The following FAR2 variants were observed in gnomAD, a reference collection of about 807,000 sequenced individuals.
The protein encoded by FAR2 is fatty acyl-CoA reductase 2.
In FAR2, 19 loss-of-function variants were observed where a neutral mutation model predicts 56.0. The ratio of observed to expected loss-of-function variants is 0.34; its 90% CI spans 0.24 to 0.50. The LOEUF is 0.50. Among genes scored for constraint, FAR2 ranks in the 20% least tolerant of loss-of-function variants. The pLI is 0.98. For missense variants in FAR2, 508 were observed against 642.2 expected (o/e 0.79, Z 2.26); for synonymous variants, 219 against 218.8 (o/e 1.00, Z -0.01).
rs1949661107 is a variant in FAR2 at position 29,149,288 on chromosome 12, G to A, written c.-158G>A. The stretch of plus-strand genomic sequence containing the variant: ...CCGAGCCGGATATATAGAGTGTCAC[G>A]TTTGGGAGCCGAAAGACTGGAGCCG... On this transcript the variant is annotated 5_prime_UTR_variant, in exon 1 of 12. Coordinates refer to ENST00000536681, the MANE Select transcript of FAR2 (RefSeq NM_001271783.2). 6.6e-6 allele frequency: 1 copy of A among 152,386 alleles called. No individual in the cohort carries two copies. Among genetic ancestry groups the A allele is most frequent in the African/African-American group, 2.4e-5 (1 of 41,476 alleles). 9.4% of individuals were successfully genotyped at this position (152,386 alleles called of 1,614,324 possible).
chr12:29,192,554 C>G (rs1369779232), intron 1 of FAR2, among the ~76,000 whole-genome samples: 1 of 152,160 alleles, frequency 6.6e-6, no homozygotes, highest in Non-Finnish European at 1.5e-5. Context: ...CTGGTGAAAT[C>G]AGTATTTGAA....
At chr12:29,332,458 CAAAT>C in intron 10 of FAR2, 138 bp from the exon 11 acceptor site, 1 of 1,135,654 alleles carries the variant, frequency 8.8e-7, no homozygotes. Context: ...AATAATGACT[CAAAT>C]AATCTCTCCT....
At chr12:29,304,253 A>G (rs1266256410) in intron 4 of FAR2, among the ~76,000 whole-genome samples, 1 of 152,116 alleles carries the variant, frequency 6.6e-6, no homozygotes, top group African/African-American at 2.4e-5. Flanking sequence ...AACCTTACAT[A>G]GTATAGAAAT....
At chr12:29,287,304 G>A (rs1312257994) in intron 2 of FAR2, among the ~76,000 whole-genome samples, 4 of 152,108 alleles carry the variant, frequency 2.6e-5, no homozygotes, top group African/African-American at 9.7e-5. Context: ...TTATAGAAAC[G>A]GTCTTCGCTA....
At chr12:29,251,944 T>G (rs1029874233) in intron 1 of FAR2, among the ~76,000 whole-genome samples, 2 of 152,204 alleles carry the variant, frequency 1.3e-5, no homozygotes, top group Non-Finnish European at 2.9e-5. Context: ...GAAAATTTTT[T>G]CCTGTCCCTA....
chr12:29,266,078 A>T (rs1948511203), intron 1 of FAR2, among the ~76,000 whole-genome samples: 1 of 152,200 alleles, frequency 6.6e-6, no homozygotes, highest in Admixed American at 6.5e-5. Flanking sequence ...CATGTACATT[A>T]GTACAATCAC....
intron 8 of FAR2, 113 bp downstream of exon 8, chr12:29,312,063 G>T: frequency 1.5e-6 from 1 of 668,076 alleles, no homozygotes; most frequent in Non-Finnish European, 2.5e-6. Flanking sequence ...CAAAAAGTAA[G>T]TAAAGAGACA....
chr12:29,256,344 T>G lies in FAR2; in HGVS notation c.-38-14068T>G, dbSNP rs141911197. ...CTGAGATTACAGGCATGTGCTACCATGCCCTACTAAGCTTTTCATTTTTAG... is the reference window on the plus strand; with the variant it reads ...CTGAGATTACAGGCATGTGCTACCAGGCCCTACTAAGCTTTTCATTTTTAG... On this transcript the variant is annotated intron_variant, in intron 1 of 11. Transcript: ENST00000536681. Among the ~76,000 whole-genome samples the G allele has an allele frequency of 4.5e-3, 687 of 152,232 alleles. 1 individual carries two copies. Among genetic ancestry groups the G allele is most frequent in the Admixed American group, 0.016 (252 of 15,298 alleles).
chr12:29,295,439 G>C (rs1437147560), intron 3 of FAR2, among the ~76,000 whole-genome samples: 1 of 152,084 alleles, frequency 6.6e-6, no homozygotes, highest in Non-Finnish European at 1.5e-5. Context: ...TTAAATTTAA[G>C]ATAATTTTGC....
chr12:29,325,283 T>A, intron 10 of FAR2, among the ~76,000 whole-genome samples: 1 of 152,104 alleles, frequency 6.6e-6, no homozygotes, highest in Admixed American at 6.6e-5. Flanking sequence ...AGACTTAGAC[T>A]CCCATACAAT....
In FAR2 at chr12:29,277,854, T is replaced by C. The variant is rs538632667; in HGVS notation, c.189+7216T>C. 4 of 152,230 alleles carry C rather than the reference T, an allele frequency of 2.6e-5. No individual in the cohort carries two copies. The South Asian group carries it at 8.3e-4, about 32-fold the overall frequency. 9.4% of individuals were successfully genotyped at this position (152,230 alleles called of 1,614,324 possible). A position where few individuals can be genotyped will look rare whatever the true frequency, so the allele number is the denominator to read the frequency against. ...GAGAAATAGACATTTAAGAAGAAAT[T>C]TCCATCTCATCGAATGAGCATTTTG... On this transcript the variant is annotated intron_variant, in intron 2 of 11. Coordinates refer to ENST00000536681, the MANE Select transcript of FAR2 (RefSeq NM_001271783.2).
rs919493756 is a variant in FAR2, at chr12:29,166,044, A to G, written c.-39+16637A>G. Among the ~76,000 whole-genome samples the G allele has an allele frequency of 3.9e-5, 6 of 152,358 alleles. No individual in the cohort carries two copies. In the East Asian group the frequency reaches 9.6e-4, roughly 24 times the overall value. On this transcript the variant is annotated intron_variant, in intron 1 of 11. Transcript: ENST00000536681. ...TAACAGCGGCCTTAGCCAAATCACT[A>G]CTTGTCTCTGATCCTCAGTTTCCTC...
chr12:29,244,810 A>C (rs1180002377), intron 1 of FAR2, among the ~76,000 whole-genome samples: 4 of 152,228 alleles, frequency 2.6e-5, no homozygotes, highest in Non-Finnish European at 5.9e-5. Flanking sequence ...CAATGACTAA[A>C]GTCTCTACCC....
At chr12:29,220,699 A>AT (rs1483593396) in intron 1 of FAR2, among the ~76,000 whole-genome samples, 1 of 152,146 alleles carries the variant, frequency 6.6e-6, no homozygotes, top group Non-Finnish European at 1.5e-5. Flanking sequence ...TGGGATATCC[A>AT]TACGATTCTG....
chr12:29,334,803 T>C lies in FAR2; in HGVS notation c.*1009T>C, dbSNP rs1329784993. 1 of 152,188 alleles carries C rather than the reference T, an allele frequency of 6.6e-6. No homozygotes were observed. The highest frequency in any genetic ancestry group is 1.5e-5 in the Non-Finnish European group (1 of 68,012). The allele number at this position is 152,188 out of a possible 1,614,324, so 9.4% of individuals were successfully genotyped here. A position where few individuals can be genotyped will look rare whatever the true frequency, so the allele number is the denominator to read the frequency against. ...TTTACTAGTATCTTGGTCATTCCAA[T>C]TGCACAATGTTAACTGTACAACACA... On this transcript the variant is annotated 3_prime_UTR_variant, in exon 12 of 12. Transcript: ENST00000536681.
At chr12:29,300,458 TA>T (rs1014695786) in intron 4 of FAR2, among the ~76,000 whole-genome samples, 3 of 152,258 alleles carry the variant, frequency 2.0e-5, no homozygotes, top group African/African-American at 7.2e-5. Context: ...TCAATTCACC[TA>T]AATCCAGGTT....
chr12:29,330,113 G>A (rs1480950664), intron 10 of FAR2, among the ~76,000 whole-genome samples: 1 of 146,734 alleles, frequency 6.8e-6, no homozygotes, highest in Admixed American at 6.9e-5. Flanking sequence ...CTGGAGTGCA[G>A]TGGCAAGATC....
intron 1 of FAR2, among the ~76,000 whole-genome samples, chr12:29,213,744 T>G (rs1947586918): frequency 1.3e-5 from 2 of 152,200 alleles, no homozygotes; most frequent in Non-Finnish European, 2.9e-5. Context: ...AACTTATTCT[T>G]CTTGCCCTAT....
At chr12:29,331,224 T>A (rs1051310178) in intron 10 of FAR2, among the ~76,000 whole-genome samples, 1 of 149,594 alleles carries the variant, frequency 6.7e-6, no homozygotes, top group African/African-American at 2.5e-5. Flanking sequence ...TTTTTTTTTT[T>A]AATGTCCAGG....
Sources: allele counts gnomAD v4.1 joint callset (sites outside exome capture counted in the v4.1 genomes callset), GRCh38; gene constraint gnomAD v4.1.1; transcripts MANE v1.5; gene names NCBI Gene and HGNC (gene_info 2026-07-23, HGNC 2026-07-21).